PRKN: variants seen among roughly 807,000 people sequenced by gnomAD.
The protein encoded by PRKN is parkin RBR E3 ubiquitin protein ligase.
A neutral mutation model predicts 59.5 loss-of-function variants in PRKN; 56 were observed. The ratio of observed to expected loss-of-function variants is 0.94; its 90% confidence interval spans 0.76 to 1.18. The LOEUF (loss-of-function observed/expected upper bound fraction) is 1.18. PRKN is among the 50% of genes most tolerant of loss of function. The pLI is 0.00. For missense variants in PRKN, 657 were observed against 596.4 expected (o/e 1.10, Z -1.06); for synonymous variants, 250 against 222.1 (o/e 1.13, Z -1.12).
chr6:162,023,550 C>T (rs1349514197), intron 5 of PRKN, among the ~76,000 whole-genome samples: 1 of 152,144 alleles, frequency 6.6e-6, no homozygotes, highest in Non-Finnish European at 1.5e-5. Context: ...TGCTCTTCTC[C>T]TAGCCTGCTC....
chr6:161,746,465 C>CA (rs1282348625), intron 7 of PRKN, among the ~76,000 whole-genome samples: 1 of 149,780 alleles, frequency 6.7e-6, no homozygotes. Context: ...CAGACACATA[C>CA]AAAAAAAGAC....
At chr6:161,970,969 G>A (rs1398503886) in intron 6 of PRKN, among the ~76,000 whole-genome samples, 1 of 152,074 alleles carries the variant, frequency 6.6e-6, no homozygotes, top group African/African-American at 2.4e-5. Flanking sequence ...GTCCTTACAC[G>A]TGGATCCCTC....
At chr6:161,740,939 C>A (rs1788158947) in intron 7 of PRKN, among the ~76,000 whole-genome samples, 1 of 152,236 alleles carries the variant, frequency 6.6e-6, no homozygotes, top group South Asian at 2.1e-4. Context: ...ACTCCCTGGA[C>A]TGAATTGATG....
At chr6:162,552,122 C>T (rs1303081591) in intron 1 of PRKN, among the ~76,000 whole-genome samples, 1 of 152,144 alleles carries the variant, frequency 6.6e-6, no homozygotes, top group Non-Finnish European at 1.5e-5. Flanking sequence ...ACAAAGGGAA[C>T]ACTGTGAACA....
At chr6:162,525,161 T>TTAGTC (rs955268871) in intron 1 of PRKN, among the ~76,000 whole-genome samples, 86 of 152,222 alleles carry the variant, frequency 5.6e-4, no homozygotes, top group African/African-American at 1.7e-3. Context: ...TAGTCCTAGC[T>TTAGTC]CTGCCCCTTT....
At chr6:162,457,785 C>T (rs531072221) in intron 1 of PRKN, among the ~76,000 whole-genome samples, 2 of 152,102 alleles carry the variant, frequency 1.3e-5, no homozygotes, top group South Asian at 2.1e-4. Flanking sequence ...TTTATATAGA[C>T]AATTTTCAAA....
intron 4 of PRKN, among the ~76,000 whole-genome samples, chr6:162,085,205 T>C (rs1394395245): frequency 6.7e-6 from 1 of 150,226 alleles, no homozygotes; most frequent in Non-Finnish European, 1.5e-5. Context: ...ATGGATGTAA[T>C]TCTAGACAAA....
chr6:162,364,086 C>T (rs78154915), intron 2 of PRKN, among the ~76,000 whole-genome samples: 1,620 of 152,294 alleles, frequency 0.011, 30 homozygotes, highest in African/African-American at 0.036. Context: ...CTCACGTCTT[C>T]CACCAGCAGC....
At position 162,481,927 on chromosome 6, in the gene PRKN, A is replaced by G. The variant is rs186171251; in HGVS notation, c.8-38454T>C. ...ATAAAATCCTCAGACTGAAATTATT[A>G]TAACATTTATTTCAAACTGAAAAAA... On this transcript the variant is annotated intron_variant, in intron 1 of 11. Transcript: ENST00000366898. 8.1e-4 allele frequency among the ~76,000 whole-genome samples: 123 copies of G among 152,298 alleles called. 1 individual carries two copies. In the South Asian group the frequency reaches 0.012, roughly 15 times the overall value.
intron 3 of PRKN, among the ~76,000 whole-genome samples, chr6:162,211,222 C>G (rs1169790474): frequency 6.6e-6 from 1 of 152,184 alleles, no homozygotes; most frequent in East Asian, 1.9e-4. Flanking sequence ...CCCAGGCCAG[C>G]AGTCACAAAC....
chr6:162,645,468 T>C (rs918916530), intron 1 of PRKN, among the ~76,000 whole-genome samples: 1 of 152,300 alleles, frequency 6.6e-6, no homozygotes, highest in East Asian at 1.9e-4. Flanking sequence ...AAGAGGTCAA[T>C]TGCAGCTCTT....
intron 3 of PRKN, among the ~76,000 whole-genome samples, chr6:162,243,806 T>C (rs1210754546): frequency 1.3e-5 from 2 of 152,142 alleles, no homozygotes; most frequent in Non-Finnish European, 2.9e-5. Context: ...AATTAGATAT[T>C]ATTCCTTAGA....
chr6:162,658,658 C>CAAAAAAAAAAA (rs57853171), intron 1 of PRKN, among the ~76,000 whole-genome samples: 3 of 109,084 alleles, frequency 2.8e-5, no homozygotes, highest in African/African-American at 3.4e-5. Context: ...GAGACTCTGT[C>CAAAAAAAAAAA]AAAAAAAAAA....
At chr6:161,481,698 G>T (rs1791409420) in intron 9 of PRKN, among the ~76,000 whole-genome samples, 1 of 152,130 alleles carries the variant, frequency 6.6e-6, no homozygotes, top group Admixed American at 6.5e-5. Context: ...AGTGAATCTG[G>T]TAATTTTAAA....
In PRKN at chr6:161,353,976, G is replaced by T. The variant is rs1382697737; in HGVS notation, c.1286-3765C>A. 1.3e-5 allele frequency among the ~76,000 whole-genome samples: 2 copies of T among 152,154 alleles called. No individual in the cohort carries two copies. The highest frequency in any genetic ancestry group is 4.8e-5 in the African/African-American group (2 of 41,424). ...TGCTGACTGTTGTTATTGAATGAGA[G>T]AATAGAAGAAGCATGTTGTTTGTTC... On this transcript the variant is annotated intron_variant, in intron 11 of 11. Transcript: ENST00000366898. This position sits in a 1 kb window ranked among gnomAD's most constrained non-coding sequence, Gnocchi z 4.8.
chr6:161,856,982 T>TGGCTCATGCCTGTAATCCC (rs71278567), intron 6 of PRKN, among the ~76,000 whole-genome samples: 1 of 151,798 alleles, frequency 6.6e-6, no homozygotes, highest in Non-Finnish European at 1.5e-5. Flanking sequence ...CCTGGCACAG[T>TGGCTCATGCCTGTAATCCC]ACTTTGGGAG....
chr6:161,434,438 C>T (rs4709526), intron 9 of PRKN, among the ~76,000 whole-genome samples: 87,037 of 152,000 alleles, frequency 0.57, 25,336 homozygotes, highest in East Asian at 0.9. Context: ...TTCTGCTTTG[C>T]ACCCAGACTC....
At chr6:162,079,313 C>T (rs992561811) in intron 4 of PRKN, among the ~76,000 whole-genome samples, 1 of 152,146 alleles carries the variant, frequency 6.6e-6, no homozygotes, top group African/African-American at 2.4e-5. Flanking sequence ...GCAGATACTC[C>T]GTTGCCCAAC....
intron 4 of PRKN, among the ~76,000 whole-genome samples, chr6:162,173,950 G>A (rs532760957): frequency 7.2e-5 from 11 of 152,158 alleles, no homozygotes; most frequent in Non-Finnish European, 1.5e-4. Context: ...TTGGTACTTG[G>A]AAATAAGACG....
Sources: allele counts gnomAD v4.1 joint callset (sites outside exome capture counted in the v4.1 genomes callset), GRCh38; gene constraint gnomAD v4.1.1; non-coding constraint Gnocchi (gnomAD v3.1); transcripts MANE v1.5; gene names NCBI Gene and HGNC (gene_info 2026-07-23, HGNC 2026-07-21).